The following BAZ1B variants were observed in gnomAD, a reference collection of about 807,000 sequenced individuals.
The protein encoded by BAZ1B is bromodomain adjacent to zinc finger domain 1B.
Under a neutral mutation model 153.8 loss-of-function variants are expected in BAZ1B, and 22 were observed. The ratio of observed to expected loss-of-function variants is 0.14; its 90% CI spans 0.10 to 0.20. BAZ1B has a LOEUF of 0.20. Ranked by LOEUF, BAZ1B falls within the 10% of genes least tolerant of loss-of-function variation. The pLI is 1.00. For missense variants in BAZ1B, 1,325 were observed against 1,799.3 expected (o/e 0.74, Z 4.77); for synonymous variants, 676 against 633.4 (o/e 1.07, Z -1.01).
intron 4 of BAZ1B, among the ~76,000 whole-genome samples, chr7:73,493,408 C>G (rs1021404420): frequency 1.8e-4 from 28 of 151,868 alleles, no homozygotes; most frequent in Non-Finnish European, 2.4e-4. Context: ...TGCAGTGAGC[C>G]AAGATCACGC....
chr7:73,483,378 A>G (rs1789272745), intron 6 of BAZ1B, among the ~76,000 whole-genome samples: 1 of 152,214 alleles, frequency 6.6e-6, no homozygotes, highest in African/African-American at 2.4e-5. Flanking sequence ...TTGGCAATCC[A>G]TATTGATTCT....
intron 4 of BAZ1B, among the ~76,000 whole-genome samples, chr7:73,497,147 G>A (rs1297228003): frequency 2.0e-5 from 3 of 150,454 alleles, no homozygotes; most frequent in Admixed American, 6.7e-5. Flanking sequence ...GGAAGCTGAG[G>A]TGGCAGGATC....
chr7:73,484,391 A>C (rs1368866013), intron 6 of BAZ1B, among the ~76,000 whole-genome samples: 1 of 151,946 alleles, frequency 6.6e-6, no homozygotes, highest in Non-Finnish European at 1.5e-5. Flanking sequence ...TAATCCCAAC[A>C]CTTCAGGGGT....
At chr7:73,483,991 G>A (rs1554574117) in intron 6 of BAZ1B, among the ~76,000 whole-genome samples, 2 of 152,148 alleles carry the variant, frequency 1.3e-5, no homozygotes, top group Non-Finnish European at 2.9e-5. Context: ...AATCAGGCCG[G>A]GTGTGGTGGC....
chr7:73,505,962 C>T (rs370528552), intron 3 of BAZ1B, among the ~76,000 whole-genome samples: 23 of 152,292 alleles, frequency 1.5e-4, no homozygotes, highest in Middle Eastern at 3.4e-3. Flanking sequence ...TATGTATCAA[C>T]CTCAACATGT....
intron 1 of BAZ1B, among the ~76,000 whole-genome samples, chr7:73,516,922 T>C (rs1424882991): frequency 1.3e-5 from 2 of 152,094 alleles, no homozygotes; most frequent in African/African-American, 4.8e-5. Flanking sequence ...GGCTCACGCC[T>C]GTAATCCCAG....
intron 4 of BAZ1B, among the ~76,000 whole-genome samples, chr7:73,496,110 G>A (rs1031737940): frequency 1.2e-4 from 18 of 152,116 alleles, no homozygotes; most frequent in Non-Finnish European, 2.4e-4. Context: ...AACTTAATAG[G>A]AACTATTTCA....
At chr7:73,521,771 GGCCCTACCCCGGCCCAGCCC>G in intron 1 of BAZ1B, 36 bp downstream of exon 1, 7 of 1,401,358 alleles carry the variant, frequency 5.0e-6, no homozygotes, top group Non-Finnish European at 6.7e-6. Flanking sequence ...GCGAGCCCCA[GGCCCTACCCCGGCCCAGCCC>G]GGCCCAGCCC....
At chr7:73,474,647 C>T (rs1470877171) in intron 7 of BAZ1B, among the ~76,000 whole-genome samples, 1 of 152,008 alleles carries the variant, frequency 6.6e-6, no homozygotes, top group African/African-American at 2.4e-5. Context: ...TGGTGGCACA[C>T]GCCTGTAATC....
chr7:73,489,121 T>C (rs1482447403), intron 6 of BAZ1B, 73 bp downstream of exon 6: 1 of 1,452,560 alleles, frequency 6.9e-7, no homozygotes, highest in Non-Finnish European at 9.5e-7. Context: ...CTGCTATAAA[T>C]ATAAATATAC....
In BAZ1B at chr7:73,498,552, G is replaced by C; in HGVS notation, c.516C>G (p.Asp172Glu). 6.2e-7 allele frequency: 1 copy of C among 1,613,864 alleles called. No homozygotes were observed. The highest frequency in any genetic ancestry group is 8.5e-7 in the Non-Finnish European group (1 of 1,179,944). ...TCACAACTGTCTCCTTCTTCTGATGGTCCTGAGCAATCTGACTGGAGTTCT... is the reference window on the plus strand; with the variant it reads ...TCACAACTGTCTCCTTCTTCTGATGCTCCTGAGCAATCTGACTGGAGTTCT... ...DKENSSQIAQ[D>E]HQKKETVVKE... Residue 172 changes from aspartate to glutamate, a missense_variant, in exon 4 of 20, where the codon GAC becomes GAG. Asp to Glu is a conservative substitution (Grantham distance 45, BLOSUM62 2). Around this residue, in one of 9 missense-constraint regions of BAZ1B, gnomAD observed 153 missense variants for 204.8 expected, o/e 0.75. Coordinates refer to ENST00000339594, the MANE Select transcript of BAZ1B (RefSeq NM_032408.4).
intron 7 of BAZ1B, among the ~76,000 whole-genome samples, chr7:73,471,029 C>T (rs1788783853): frequency 6.6e-6 from 1 of 152,152 alleles, no homozygotes; most frequent in Admixed American, 6.5e-5. Flanking sequence ...GCCACCACAC[C>T]CAGCCAAAAT....
At chr7:73,516,302 C>G (rs1168819324) in intron 1 of BAZ1B, among the ~76,000 whole-genome samples, 1 of 152,086 alleles carries the variant, frequency 6.6e-6, no homozygotes, top group African/African-American at 2.4e-5. Context: ...AGGCGCACAC[C>G]ACCACATCCA....
At chr7:73,483,837 G>T (rs894462228) in intron 6 of BAZ1B, among the ~76,000 whole-genome samples, 3 of 151,976 alleles carry the variant, frequency 2.0e-5, no homozygotes, top group Non-Finnish European at 4.4e-5. Context: ...ACAGGGTCTC[G>T]CCATGTTACC....
chr7:73,463,257 TC>T (rs1289639767), intron 11 of BAZ1B, among the ~76,000 whole-genome samples, 158 bp from the exon 12 acceptor site: 2 of 128,750 alleles, frequency 1.6e-5, no homozygotes, highest in African/African-American at 3.1e-5. Flanking sequence ...TTTTTTTTTT[TC>T]CCCCGAGACA....
At chr7:73,467,370 TA>T (rs1322556203) in intron 9 of BAZ1B, among the ~76,000 whole-genome samples, 9 of 152,094 alleles carry the variant, frequency 5.9e-5, no homozygotes, top group Non-Finnish European at 7.4e-5. Context: ...GTAATTTATT[TA>T]TTTTTTTTAA....
chr7:73,507,923 G>C (rs1188286813), intron 3 of BAZ1B, among the ~76,000 whole-genome samples: 1 of 152,182 alleles, frequency 6.6e-6, no homozygotes, highest in Non-Finnish European at 1.5e-5. Flanking sequence ...GGGAGGCCAA[G>C]GTGGGTGGAT....
At position 73,477,027 on chromosome 7, in the gene BAZ1B, C is replaced by T. The variant is rs1402462639; in HGVS notation, c.2434G>A (p.Glu812Lys). ...CTATCAGTTTTGCCTAACCCATTCT[C>T]AACTTTTCCATTTTCTTTATTTTTG... ...EAKNKENGKV[E>K]NGLGKTDRKK... The change falls in exon 7 of 20, where the codon GAG becomes AAG. Residue 812 changes from glutamate (E) to lysine (K), a missense_variant. Physicochemically the swap from Glu to Lys is moderately conservative, Grantham distance 56. This residue lies in a region of BAZ1B where 431 missense variants were observed against 563.5 expected (regional missense o/e 0.76). Coordinates refer to ENST00000339594, the MANE Select transcript of BAZ1B (RefSeq NM_032408.4). The surrounding 1 kb of genome is among the most constrained non-coding windows in gnomAD (Gnocchi z 5.6). 1 of 1,614,074 alleles carries T rather than the reference C, an allele frequency of 6.2e-7. No individual in the cohort carries two copies. The highest frequency in any genetic ancestry group is 1.3e-5 in the African/African-American group (1 of 74,928).
chr7:73,466,111 A>C (rs1788575021), intron 10 of BAZ1B, among the ~76,000 whole-genome samples, 185 bp downstream of exon 10: 1 of 152,218 alleles, frequency 6.6e-6, no homozygotes, highest in Admixed American at 6.5e-5. Flanking sequence ...CCCTTAAAAA[A>C]ACAAGTATCT....
Sources: allele counts gnomAD v4.1 joint callset (sites outside exome capture counted in the v4.1 genomes callset), GRCh38; gene constraint gnomAD v4.1.1; regional missense constraint gnomAD v4.1.1; non-coding constraint Gnocchi (gnomAD v3.1); transcripts MANE v1.5; gene names NCBI Gene and HGNC (gene_info 2026-07-23, HGNC 2026-07-21).